ANO10: variants seen among roughly 807,000 people sequenced by gnomAD.
ANO10 encodes the protein anoctamin 10, also known as anoctamin-10.
In ANO10, 77 loss-of-function variants were observed where a neutral mutation model predicts 74.7. That is an observed-to-expected ratio of 1.03 (90% CI 0.86 to 1.25). The LOEUF (loss-of-function observed/expected upper bound fraction) is 1.25. Ranked by LOEUF, ANO10 falls within the 50% of genes most tolerant of loss-of-function variation. The pLI is 0.00. For synonymous variants in ANO10, 279 were observed against 284.9 expected (o/e 0.98, Z 0.21); for missense variants, 721 against 778.1 (o/e 0.93, Z 0.87).
intron 4 of ANO10, among the ~76,000 whole-genome samples, chr3:43,597,172 T>G (rs939337764): frequency 1.6e-4 from 24 of 152,208 alleles, no homozygotes; most frequent in African/African-American, 5.5e-4. Flanking sequence ...GGTGGGACGG[T>G]AAACTAGTTC....
In ANO10 at chr3:43,555,282, C is replaced by G. The variant is rs776825753; in HGVS notation, c.1664G>C (p.Trp555Ser). The G allele has an allele frequency of 6.2e-7, 1 of 1,613,878 alleles. No individual in the cohort carries two copies. The highest frequency in any genetic ancestry group is 8.5e-7 in the Non-Finnish European group (1 of 1,179,888). The change falls in exon 10 of 13, where the codon TGG becomes TCG. Residue 555 changes from tryptophan (W) to serine (S), a missense_variant. Physicochemically the swap from Trp to Ser is radical, Grantham distance 177. Transcript: ENST00000292246. ...FSEPSANIGVWQLAFETMSVI... is the reference protein window; with the variant it reads ...FSEPSANIGVSQLAFETMSVI... The stretch of plus-strand genomic sequence containing the variant: ...ATTTTTTTCTCAAACAATTACCTGC[C>G]ACACACCAATATTGGCTGAAGGTTC...
At chr3:43,618,962 C>T (rs1045890311) in intron 1 of ANO10, among the ~76,000 whole-genome samples, 2 of 152,120 alleles carry the variant, frequency 1.3e-5, no homozygotes, top group Non-Finnish European at 2.9e-5. Flanking sequence ...CCACCATGCT[C>T]GGCTAATTTT....
At chr3:43,571,087 CTCA>C (rs1187123719) in intron 7 of ANO10, among the ~76,000 whole-genome samples, 217 of 151,806 alleles carry the variant, frequency 1.4e-3, no homozygotes, top group African/African-American at 5.0e-3. Flanking sequence ...TGAAAAAATG[CTCA>C]TCATCACTGG....
intron 11 of ANO10, among the ~76,000 whole-genome samples, chr3:43,512,585 T>C (rs2077552552): frequency 6.6e-6 from 1 of 152,102 alleles, no homozygotes; most frequent in South Asian, 2.1e-4. Context: ...TGCAGTGGTG[T>C]GAACAAGAAT....
intron 11 of ANO10, among the ~76,000 whole-genome samples, chr3:43,531,421 A>ACT (rs2078460390): frequency 6.6e-6 from 1 of 152,234 alleles, no homozygotes; most frequent in Non-Finnish European, 1.5e-5. Context: ...TGACTCAGAT[A>ACT]AAGTTCTCTA....
chr3:43,584,705 A>C (rs916694579), intron 4 of ANO10, among the ~76,000 whole-genome samples: 1 of 152,016 alleles, frequency 6.6e-6, no homozygotes, highest in African/African-American at 2.4e-5. Flanking sequence ...TGCACATCTC[A>C]CAGCGCCATC....
chr3:43,381,132 C>G (rs571681974), intron 12 of ANO10, among the ~76,000 whole-genome samples: 1 of 152,240 alleles, frequency 6.6e-6, no homozygotes, highest in Admixed American at 6.5e-5. Context: ...TAAAACAGCT[C>G]CCACTGGGCC....
chr3:43,670,200 A>G (rs1025034554), intron 1 of ANO10, among the ~76,000 whole-genome samples: 3 of 152,014 alleles, frequency 2.0e-5, no homozygotes, highest in Non-Finnish European at 2.9e-5. Context: ...AAATAAATAC[A>G]TAAGTAAATA....
intron 7 of ANO10, among the ~76,000 whole-genome samples, chr3:43,568,263 T>A (rs1319467652): frequency 6.6e-6 from 1 of 152,046 alleles, no homozygotes; most frequent in Non-Finnish European, 1.5e-5. Flanking sequence ...ACTGTCAACA[T>A]TAGACAGATC....
intron 8 of ANO10, among the ~76,000 whole-genome samples, chr3:43,564,409 A>T (rs76131539): frequency 2.2e-5 from 3 of 138,852 alleles, no homozygotes; most frequent in African/African-American, 3.1e-5. Context: ...ATGTATTATT[A>T]AAAAAAAAAT....
chr3:43,563,220 C>G (rs2080134630), intron 8 of ANO10, among the ~76,000 whole-genome samples: 1 of 152,092 alleles, frequency 6.6e-6, no homozygotes, highest in Non-Finnish European at 1.5e-5. Context: ...AAAAAATACT[C>G]AACACCACTC....
intron 1 of ANO10, among the ~76,000 whole-genome samples, chr3:43,621,451 G>A (rs549102679): frequency 4.6e-5 from 7 of 152,106 alleles, no homozygotes; most frequent in East Asian, 1.9e-4. Flanking sequence ...CGGACTGCCC[G>A]GGAAGCAAGA....
rs79709542 is a variant in ANO10 at position 43,590,584 on chromosome 3, T to C, written c.472+7948A>G. 7.2e-3 allele frequency among the ~76,000 whole-genome samples: 1,088 copies of C among 152,100 alleles called. 12 individuals are homozygous for C. Among genetic ancestry groups the C allele is most frequent in the African/African-American group, 0.024 (1,012 of 41,488 alleles). On this transcript the variant is annotated intron_variant, in intron 4 of 12. Transcript: ENST00000292246. The stretch of plus-strand genomic sequence containing the variant: ...GGAAAAACAGAGGATAGGGGAACAA[T>C]GAGAAAACGATCTAAGAGACAAATG...
Position 43,598,639 on chromosome 3 carries a change from G to T in ANO10, c.365C>A (p.Ala122Glu). The change falls in exon 4 of 13, where the codon GCA (alanine) becomes GAA (glutamate). Residue 122 changes from alanine (A) to glutamate (E), a missense_variant. Transcript: ENST00000292246. The part of the protein sequence containing the change: ...DDNNDDFLTM[A>E]ECQFIIKHEL... ...ATGTTTGATAATGAATTGACATTCTGCCATTGTCAGGAAATCATCATTGTT... is the reference window on the plus strand; with the variant it reads ...ATGTTTGATAATGAATTGACATTCTTCCATTGTCAGGAAATCATCATTGTT... 1 of 1,607,988 alleles carries T rather than the reference G, an allele frequency of 6.2e-7. No homozygotes were observed. Among genetic ancestry groups the T allele is most frequent in the Non-Finnish European group, 8.5e-7 (1 of 1,176,444 alleles).
chr3:43,690,930 G>A (rs954223579), intron 1 of ANO10: 7 of 1,521,566 alleles, frequency 4.6e-6, no homozygotes, highest in South Asian at 3.6e-5. Context: ...GCCAGCCCGG[G>A]GCGGCCCAGT....
At position 43,410,673 on chromosome 3, in the gene ANO10, G is replaced by A. The variant is rs1021404250; in HGVS notation, c.1914+21938C>T. On this transcript the variant is annotated intron_variant, in intron 12 of 12. Coordinates refer to ENST00000292246, the MANE Select transcript of ANO10 (RefSeq NM_018075.5). ...GCTCTTAAAAACCATGAGAACACACGGATATACCTTTTCAACCAGGGTGCA... is the reference window on the plus strand; with the variant it reads ...GCTCTTAAAAACCATGAGAACACACAGATATACCTTTTCAACCAGGGTGCA... Among the ~76,000 whole-genome samples, 5 of 151,934 alleles carry A rather than the reference G, an allele frequency of 3.3e-5. No homozygotes were observed. The East Asian group carries it at 7.7e-4, about 24-fold the overall frequency.
intron 12 of ANO10, among the ~76,000 whole-genome samples, chr3:43,370,630 T>C (rs2091575713): frequency 6.6e-6 from 1 of 152,170 alleles, no homozygotes; most frequent in Non-Finnish European, 1.5e-5. Flanking sequence ...ATTAAAATCT[T>C]CATAAAAATA....
At chr3:43,647,753 T>C (rs962250851) in intron 1 of ANO10, among the ~76,000 whole-genome samples, 2 of 152,322 alleles carry the variant, frequency 1.3e-5, no homozygotes, top group South Asian at 4.1e-4. Context: ...GGAGACAGAT[T>C]GCAGAGTTTA....
At chr3:43,428,820 T>C (rs1202855538) in intron 12 of ANO10, among the ~76,000 whole-genome samples, 1 of 15,584 alleles carries the variant, frequency 6.4e-5, no homozygotes. Context: ...AAAAAAAAAG[T>C]CATTGAAGCA....
Sources: allele counts gnomAD v4.1 joint callset (sites outside exome capture counted in the v4.1 genomes callset), GRCh38; gene constraint gnomAD v4.1.1; transcripts MANE v1.5; gene names NCBI Gene and HGNC (gene_info 2026-07-23, HGNC 2026-07-21).